FAM83H: variants seen among roughly 807,000 people sequenced by gnomAD.
FAM83H encodes scaffolding CK1 anchoring protein H, also known as protein FAM83H.
A neutral mutation model predicts 30.2 loss-of-function variants in FAM83H; 24 were observed. The observed-to-expected ratio is 0.79, with a 90% CI of 0.57 to 1.12. The LOEUF (loss-of-function observed/expected upper bound fraction) is 1.12. Among genes scored for constraint, FAM83H ranks in the 50% most tolerant of loss-of-function variants. FAM83H has a pLI of 0.00. For synonymous variants in FAM83H, 1,013 were observed against 821.7 expected (o/e 1.23, Z -3.98); for missense variants, 2,038 against 1,773.9 (o/e 1.15, Z -2.67).
Position 143,725,800 on chromosome 8 carries a change from A to G in FAM83H, c.*121T>C, listed in dbSNP as rs1376030682. On this transcript the variant is annotated 3_prime_UTR_variant, in exon 5 of 5. Coordinates refer to ENST00000388913, the MANE Select transcript of FAM83H (RefSeq NM_198488.5). ...GTCTGGCGCACTCAGCCAAGCCCCAAGCGGCCGTGGCCTGACAGCCGCTGC... is the reference window on the plus strand; with the variant it reads ...GTCTGGCGCACTCAGCCAAGCCCCAGGCGGCCGTGGCCTGACAGCCGCTGC... 5.9e-6 allele frequency: 9 copies of G among 1,515,244 alleles called. No individual in the cohort carries two copies. Among genetic ancestry groups the G allele is most frequent in the Admixed American group, 2.1e-5 (1 of 48,402 alleles). The allele number at this position is 1,515,244 out of a possible 1,614,324, so 93.9% of individuals were successfully genotyped here.
rs1563759749 is a variant in FAM83H, at chr8:143,728,147, G to A, written c.1314C>T (p.Gly438=). The A allele has an allele frequency of 1.2e-6, 2 of 1,609,052 alleles. No individual in the cohort carries two copies. The highest frequency in any genetic ancestry group is 1.7e-6 in the Non-Finnish European group (2 of 1,179,152). Residue 438 remains glycine, a synonymous_variant, in exon 5 of 5, where the codon GGC becomes GGT. Coordinates refer to ENST00000388913, the MANE Select transcript of FAM83H (RefSeq NM_198488.5). ...QVSRQTFLSH[G]DDFRFQTSHF... ...GGCTGGTCTGGAAGCGGAAGTCGTC[G>A]CCGTGGCTGAGGAACGTCTGCCGCG...
chr8:143,726,636 G>A lies in FAM83H; in HGVS notation c.2825C>T (p.Ser942Phe), dbSNP rs781796939. The A allele has an allele frequency of 1.9e-6, 3 of 1,598,540 alleles. No individual in the cohort carries two copies. The highest frequency in any genetic ancestry group is 1.7e-5 in the Admixed American group (1 of 59,540). ...GGGCCCGGCCTTCGGGGACTCCCCG[G>A]AGATGGTAAGGGTGAGGCTGCCCCT... ...ERRGSLTLTI[S>F]GESPKAGPAE... is the part of the protein sequence containing the mutation. Residue 942 changes from serine to phenylalanine, a missense_variant, in exon 5 of 5, where the codon TCC becomes TTC. Physicochemically the swap from Ser to Phe is radical, Grantham distance 155 (BLOSUM62 -2). Coordinates refer to ENST00000388913, the MANE Select transcript of FAM83H (RefSeq NM_198488.5).
In FAM83H at chr8:143,729,304, T is replaced by A; in HGVS notation, c.467A>T (p.Asp156Val). The A allele has an allele frequency of 6.2e-7, 1 of 1,612,988 alleles. No individual in the cohort carries two copies. The highest frequency in any genetic ancestry group is 8.5e-7 in the Non-Finnish European group (1 of 1,179,952). ...GAGCAGGTCCACATCAGTGAACATG[T>A]CCATCACCACGGCCACCACCTGCAG... ...SAQQVVAVVM[D>V]MFTDVDLLSE... Residue 156 changes from aspartate (D) to valine (V), a missense_variant, in exon 3 of 5, where the codon GAC becomes GTC. Coordinates refer to ENST00000388913, the MANE Select transcript of FAM83H (RefSeq NM_198488.5).
Position 143,727,931 on chromosome 8 carries a change from G to T in FAM83H, c.1530C>A (p.Tyr510Ter). ...LGPDGHQRLD[Y>*]VPSSASREVR... Reference sequence around the variant, plus strand: ...CCTCGCGGGACGCGCTGGACGGCACGTAGTCCAGCCGCTGGTGCCCGTCGG... The same window carrying T: ...CCTCGCGGGACGCGCTGGACGGCACTTAGTCCAGCCGCTGGTGCCCGTCGG... The change falls in exon 5 of 5, where the codon TAC becomes TAA. Residue 510 changes from tyrosine (Y) to a stop codon, truncating the protein, a stop_gained. Transcript: ENST00000388913. LOFTEE classifies it low-confidence loss of function (END_TRUNC). 6.5e-7 allele frequency: 1 copy of T among 1,538,142 alleles called. No homozygotes were observed. Among genetic ancestry groups the T allele is most frequent in the Non-Finnish European group, 8.7e-7 (1 of 1,148,664 alleles).
rs1296250792 is a variant in FAM83H, at chr8:143,726,474, G to A, written c.2987C>T (p.Pro996Leu). The change falls in exon 5 of 5, where the codon CCC becomes CTC. Residue 996 changes from proline to leucine, a missense_variant. Pro to Leu is a moderately conservative substitution (Grantham distance 98, BLOSUM62 -3). Transcript: ENST00000388913. ...CAGTGACAGACGCCGCGGGCTCTCG[G>A]GTTGGCCGTTCTCCTGCGGCACTGG... ...GFPVPQENGQ[P>L]ESPRRLSLGQ... 1 of 1,603,848 alleles carries A rather than the reference G, an allele frequency of 6.2e-7. No homozygotes were observed. Among genetic ancestry groups the A allele is most frequent in the African/African-American group, 1.3e-5 (1 of 74,880 alleles).
In FAM83H at chr8:143,733,500, GC is replaced by G. The variant is rs1409114970; in HGVS notation, c.-16+190del. Among the ~76,000 whole-genome samples the G allele has an allele frequency of 6.6e-6, 1 of 151,898 alleles. No homozygotes were observed. Among genetic ancestry groups the G allele is most frequent in the African/African-American group, 2.4e-5 (1 of 41,396 alleles). ...CTCGCGTCCATATCCGCACAGCGGCGCCCCCTGTCCGAGCAGCCCCGCCACC... is the reference window on the plus strand; with the variant it reads ...CTCGCGTCCATATCCGCACAGCGGCGCCCCTGTCCGAGCAGCCCCGCCACC... On this transcript the variant is annotated intron_variant, in intron 1 of 4. Transcript: ENST00000388913. This position sits in a 1 kb window ranked among gnomAD's most constrained non-coding sequence, Gnocchi z 5.6.
At position 143,727,754 on chromosome 8, in the gene FAM83H, C is replaced by T. The variant is rs1818356899; in HGVS notation, c.1707G>A (p.Arg569=). 1.3e-6 allele frequency: 2 copies of T among 1,492,912 alleles called. No homozygotes were observed. Among genetic ancestry groups the T allele is most frequent in the Non-Finnish European group, 1.8e-6 (2 of 1,128,948 alleles). The allele number at this position is 1,492,912 out of a possible 1,614,324, so 92.5% of individuals were successfully genotyped here. A position where few individuals can be genotyped will look rare whatever the true frequency, so the allele number is the denominator to read the frequency against. Residue 569 remains arginine (R), a synonymous_variant, in exon 5 of 5, where the codon AGG becomes AGA. Coordinates refer to ENST00000388913, the MANE Select transcript of FAM83H (RefSeq NM_198488.5). ...DPAPEAEPER[R]GGPEGRAGLR... is the part of the protein sequence containing the mutation. ...GCCCTGCCCGCCCCTCGGGCCCGCCCCTGCGCTCCGGCTCCGCCTCGGGAG... is the reference window on the plus strand; with the variant it reads ...GCCCTGCCCGCCCCTCGGGCCCGCCTCTGCGCTCCGGCTCCGCCTCGGGAG...
At chr8:143,731,118 A>C (rs1281620435) in intron 1 of FAM83H, among the ~76,000 whole-genome samples, 74 of 145,378 alleles carry the variant, frequency 5.1e-4, no homozygotes, top group African/African-American at 1.6e-3. Flanking sequence ...AATAAAACGA[A>C]CCCCCCCCCC....
chr8:143,729,156 C>G lies in FAM83H; in HGVS notation c.612+3G>C. On this transcript the variant is annotated splice_donor_region_variant and intron_variant, in intron 3 of 4. Transcript: ENST00000388913. The stretch of plus-strand genomic sequence containing the variant: ...CCCCAATCTCCCACTCCCGGGAACT[C>G]ACATCCACGTGCTGCAGGTTGACAC... The G allele has an allele frequency of 6.2e-7, 1 of 1,613,688 alleles. No individual in the cohort carries two copies. Among genetic ancestry groups the G allele is most frequent in the South Asian group, 1.1e-5 (1 of 91,082 alleles).
In FAM83H at chr8:143,733,140, C is replaced by G. The variant is rs1563763360; in HGVS notation, c.-16+551G>C. Reference sequence around the variant, plus strand: ...TCAGTGATAACTTGCGGAGTGGGCACCCCAGCCCCCAACGGGGTCAGTGCA... The same window carrying G: ...TCAGTGATAACTTGCGGAGTGGGCAGCCCAGCCCCCAACGGGGTCAGTGCA... On this transcript the variant is annotated intron_variant, in intron 1 of 4. Transcript: ENST00000388913. The surrounding 1 kb of genome is among the most constrained non-coding windows in gnomAD (Gnocchi z 5.6). The G allele has an allele frequency of 6.5e-6, 1 of 154,170 alleles. No individual in the cohort carries two copies. Among genetic ancestry groups the G allele is most frequent in the South Asian group, 2.0e-4 (1 of 4,906 alleles). The allele number at this position is 154,170 out of a possible 1,614,324, so 9.6% of individuals were successfully genotyped here. A position where few individuals can be genotyped will look rare whatever the true frequency, so the allele number is the denominator to read the frequency against.
rs782360127 is a variant in FAM83H at position 143,730,569 on chromosome 8, G to A, written c.14C>T (p.Ser5Phe). Residue 5 changes from serine to phenylalanine, a missense_variant, in exon 2 of 5, where the codon TCT becomes TTT. Physicochemically the swap from Ser to Phe is radical, Grantham distance 155. Coordinates refer to ENST00000388913, the MANE Select transcript of FAM83H (RefSeq NM_198488.5). MARR[S>F]QSSSQGDNPL... ...GTTGTCCCCCTGCGAGGAGCTCTGAGAGCGACGGGCCATGTTGGGGCCAGG... is the reference window on the plus strand; with the variant it reads ...GTTGTCCCCCTGCGAGGAGCTCTGAAAGCGACGGGCCATGTTGGGGCCAGG... 4.5e-6 allele frequency: 7 copies of A among 1,553,108 alleles called. No individual in the cohort carries two copies. The highest frequency in any genetic ancestry group is 6.1e-6 in the Non-Finnish European group (7 of 1,151,128).
chr8:143,731,264 T>C, intron 1 of FAM83H: 2 of 905,392 alleles, frequency 2.2e-6, no homozygotes, highest in Non-Finnish European at 2.6e-6. Flanking sequence ...GTGCCGCCCA[T>C]GCTGCCCATG....
At position 143,732,454 on chromosome 8, in the gene FAM83H, G is replaced by A. The variant is rs577023161; in HGVS notation, c.-16+1237C>T. ...GGCGGTGTCTGACCATACAGGGCAG[G>A]GGGAACAACCCTGCTGATGTTGTTT... On this transcript the variant is annotated intron_variant, in intron 1 of 4. Transcript: ENST00000388913. The A allele has an allele frequency of 4.9e-5, 48 of 985,312 alleles. No individual in the cohort carries two copies. The South Asian group carries it at 2.0e-3, about 41-fold the overall frequency. 61.0% of individuals were successfully genotyped at this position (985,312 alleles called of 1,614,324 possible).
In FAM83H at chr8:143,724,375, T is replaced by C. The variant is rs1452349693; in HGVS notation, c.*1546A>G. 6.6e-6 allele frequency: 1 copy of C among 152,164 alleles called. No individual in the cohort carries two copies. The highest frequency in any genetic ancestry group is 1.5e-5 in the Non-Finnish European group (1 of 68,028). 9.4% of individuals were successfully genotyped at this position (152,164 alleles called of 1,614,324 possible). On this transcript the variant is annotated 3_prime_UTR_variant, in exon 5 of 5. Coordinates refer to ENST00000388913, the MANE Select transcript of FAM83H (RefSeq NM_198488.5). ...TTACACTAAAAAAAAAATTAGTTTT[T>C]GAAAAGAAATAGGAGAATACAGAAA...
intron 4 of FAM83H, 49 bp from the exon 5 acceptor site, chr8:143,728,772 T>G (rs1221443339): frequency 6.3e-7 from 1 of 1,598,202 alleles, no homozygotes; most frequent in African/African-American, 1.3e-5. Flanking sequence ...GCGAGGGCAC[T>G]GCAGCCCCGT....
At chr8:143,731,340 G>A in intron 1 of FAM83H, 13 of 985,328 alleles carry the variant, frequency 1.3e-5, no homozygotes, top group Non-Finnish European at 1.6e-5. Flanking sequence ...TACCTCTACT[G>A]CACAACACAG....
Position 143,725,955 on chromosome 8 carries a change from G to C in FAM83H, c.3506C>G (p.Pro1169Arg). Residue 1169 changes from proline (P) to arginine (R), a missense_variant, in exon 5 of 5, where the codon CCC becomes CGC. Transcript: ENST00000388913. The stretch of plus-strand genomic sequence containing the variant: ...GCTTTTGAACGTGCCCAGGATCTTG[G>C]GCACGAACTTGCCCACCTTGCTGTC... The part of the protein sequence containing the change: ...TRDSKVGKFV[P>R]KILGTFKSKK 6.2e-7 allele frequency: 1 copy of C among 1,612,992 alleles called. No individual in the cohort carries two copies. Among genetic ancestry groups the C allele is most frequent in the Non-Finnish European group, 8.5e-7 (1 of 1,179,928 alleles).
rs1554622509 is a variant in FAM83H at position 143,727,341 on chromosome 8, T to G, written c.2120A>C (p.Gln707Pro). The change falls in exon 5 of 5, where the codon CAG becomes CCG. Residue 707 changes from glutamine (Q) to proline (P), a missense_variant. Physicochemically the swap from Gln to Pro is moderately conservative, Grantham distance 76. Transcript: ENST00000388913. ...AGAAAATEKV[Q>P]LLHKEQTVSE... ...GACCGTCTGCTCCTTGTGCAGCAGC[T>G]GCACCTTCTCAGTGGCCGCCGCAGC... 18 of 1,565,690 alleles carry G rather than the reference T, an allele frequency of 1.1e-5. No homozygotes were observed. The highest frequency in any genetic ancestry group is 1.5e-5 in the Non-Finnish European group (17 of 1,163,716).
chr8:143,726,149 C>A lies in FAM83H; in HGVS notation c.3312G>T (p.Arg1104=), dbSNP rs782198991. ...FRSDSLGTQG[R]LSRTLPASAE... Reference sequence around the variant, plus strand: ...CGCTGGCTGGCAGCGTGCGGCTCAGCCGGCCCTGGGTCCCCAAGCTGTCCG... The same window carrying A: ...CGCTGGCTGGCAGCGTGCGGCTCAGACGGCCCTGGGTCCCCAAGCTGTCCG... The change falls in exon 5 of 5, where the codon CGG becomes CGT. Residue 1104 remains arginine (R), a synonymous_variant. Coordinates refer to ENST00000388913, the MANE Select transcript of FAM83H (RefSeq NM_198488.5). 14 of 1,611,342 alleles carry A rather than the reference C, an allele frequency of 8.7e-6. No individual in the cohort carries two copies. The highest frequency in any genetic ancestry group is 3.3e-5 in the Admixed American group (2 of 59,892).
Sources: gnomAD v4.1 joint callset for allele counts (sites outside exome capture counted in the v4.1 genomes callset) on GRCh38, gnomAD v4.1.1 for gene constraint, Gnocchi (gnomAD v3.1) non-coding constraint, MANE v1.5 for transcripts, NCBI Gene and HGNC (gene_info 2026-07-23, HGNC 2026-07-21) for gene names.